ASAP2: variants seen among roughly 807,000 people sequenced by gnomAD.
ASAP2 encodes the protein arf-GAP with SH3 domain, ANK repeat and PH domain-containing protein 2.
ASAP2 carries 45 observed loss-of-function variants against 131.4 expected under a neutral mutation model. The observed-to-expected ratio is 0.34, with a 90% CI of 0.27 to 0.44. ASAP2 has a LOEUF of 0.44. Among genes scored for constraint, ASAP2 ranks in the 20% least tolerant of loss-of-function variants. The pLI is 1.00. For missense variants in ASAP2, 1,011 were observed against 1,297.0 expected, an observed-to-expected ratio of 0.78 and a Z score of 3.39; for synonymous variants, 510 against 503.0, an observed-to-expected ratio of 1.01 and a Z score of -0.19.
chr2:9,375,175 A>T (rs748505004), intron 17 of ASAP2, among the ~76,000 whole-genome samples: 2 of 151,624 alleles, frequency 1.3e-5, no homozygotes, highest in African/African-American at 4.9e-5. Context: ...CCAGCTACTC[A>T]GGAGGCTGGG....
At chr2:9,290,651 A>G (rs895137725) in intron 2 of ASAP2, among the ~76,000 whole-genome samples, 5 of 152,240 alleles carry the variant, frequency 3.3e-5, no homozygotes, top group Non-Finnish European at 4.4e-5. Flanking sequence ...GAAAATTTGG[A>G]AAGTTCAGAA....
intron 20 of ASAP2, among the ~76,000 whole-genome samples, chr2:9,384,600 C>T (rs905047848): frequency 1.2e-4 from 18 of 152,342 alleles, no homozygotes; most frequent in Admixed American, 1.0e-3. Context: ...TGGAGTGGCT[C>T]ATAGAACTCA....
chr2:9,294,378 G>A (rs13397012), intron 2 of ASAP2, among the ~76,000 whole-genome samples: 13,222 of 152,132 alleles, frequency 0.087, 585 homozygotes, highest in African/African-American at 0.11. Context: ...ATGATAAGGA[G>A]TGCTTTTGTA....
chr2:9,256,578 A>C (rs1451741770), intron 1 of ASAP2, among the ~76,000 whole-genome samples: 1 of 152,198 alleles, frequency 6.6e-6, no homozygotes, highest in Admixed American at 6.5e-5. Context: ...TTTTGTTTTT[A>C]AAAAAGAATG....
chr2:9,239,999 C>A (rs1158294499), intron 1 of ASAP2, among the ~76,000 whole-genome samples: 4 of 152,108 alleles, frequency 2.6e-5, no homozygotes. Context: ...TTTTCCCTGT[C>A]CTGCTACTTT....
chr2:9,294,542 T>C (rs1197900630), intron 2 of ASAP2, among the ~76,000 whole-genome samples: 1 of 152,222 alleles, frequency 6.6e-6, no homozygotes, highest in African/African-American at 2.4e-5. Context: ...GCAGGTGACA[T>C]GACTCTCTGA....
At chr2:9,349,510 A>G (rs1476378637) in intron 11 of ASAP2, among the ~76,000 whole-genome samples, 3 of 152,246 alleles carry the variant, frequency 2.0e-5, no homozygotes, top group African/African-American at 7.2e-5. Context: ...CTTTCACTTG[A>G]AAGTGTCCAG....
chr2:9,307,555 C>G (rs1422551707), intron 3 of ASAP2, among the ~76,000 whole-genome samples: 1 of 152,202 alleles, frequency 6.6e-6, no homozygotes, highest in Admixed American at 6.5e-5. Context: ...CCAGAACCGG[C>G]CTTCAGCTGG....
chr2:9,283,368 A>G (rs1667256579), intron 2 of ASAP2, among the ~76,000 whole-genome samples: 1 of 152,166 alleles, frequency 6.6e-6, no homozygotes, highest in South Asian at 2.1e-4. Flanking sequence ...GTTGTAACAA[A>G]TTACCATAAA....
intron 1 of ASAP2, among the ~76,000 whole-genome samples, chr2:9,270,912 C>T (rs1351128008): frequency 2.0e-5 from 3 of 150,902 alleles, no homozygotes; most frequent in African/African-American, 4.9e-5. Flanking sequence ...CCTGCCTCAG[C>T]CTCCCGAGTA....
intron 1 of ASAP2, among the ~76,000 whole-genome samples, chr2:9,254,254 T>TATATATATATATATATACAC (rs1553297027): frequency 2.6e-4 from 17 of 65,740 alleles, no homozygotes; most frequent in African/African-American, 9.6e-4. Flanking sequence ...TATATATATA[T>TATATATATATATATATACAC]ACACGTGTGT....
At chr2:9,402,090 A>G (rs6748624) in intron 27 of ASAP2, among the ~76,000 whole-genome samples, 28,436 of 152,206 alleles carry the variant, frequency 0.19, 4,250 homozygotes, top group African/African-American at 0.42. Context: ...CAGCTCCGCA[A>G]CTGAGCTCAG....
chr2:9,336,930 C>G (rs966744341), intron 9 of ASAP2, among the ~76,000 whole-genome samples: 2 of 152,220 alleles, frequency 1.3e-5, no homozygotes, highest in Non-Finnish European at 2.9e-5. Flanking sequence ...TAAGGCAGAG[C>G]AGCTGCTGGG....
intron 1 of ASAP2, among the ~76,000 whole-genome samples, chr2:9,267,492 T>C (rs1371456871): frequency 6.6e-6 from 1 of 152,232 alleles, no homozygotes. Context: ...TTTTTATGGC[T>C]GCGTCATATT....
chr2:9,271,086 C>T (rs1032031868), intron 1 of ASAP2, among the ~76,000 whole-genome samples: 1 of 147,326 alleles, frequency 6.8e-6, no homozygotes, highest in African/African-American at 2.5e-5. Flanking sequence ...AGCCACCGCG[C>T]CCGGCCCTGT....
intron 20 of ASAP2, among the ~76,000 whole-genome samples, chr2:9,382,630 C>G (rs1674950201): frequency 6.6e-6 from 1 of 152,208 alleles, no homozygotes; most frequent in Non-Finnish European, 1.5e-5. Flanking sequence ...GTTGAGCTTT[C>G]TCCCATATGG....
Position 9,207,200 on chromosome 2 carries a change from G to A in ASAP2, c.96G>A (p.Gln32=). ...CCAGCTTCACCACCCGCACGGCGCA[G>A]TGCCGGAACACTGTGGCGGCCATCG... The part of the protein sequence containing the change: ...TASSFTTRTA[Q]CRNTVAAIEE... Residue 32 remains glutamine (Q), a synonymous_variant, in exon 1 of 28, where the codon CAG becomes CAA. Transcript: ENST00000281419. This position sits in a 1 kb window ranked among gnomAD's most constrained non-coding sequence, Gnocchi z 4.1. 1 of 1,601,464 alleles carries A rather than the reference G, an allele frequency of 6.2e-7. No individual in the cohort carries two copies. Among genetic ancestry groups the A allele is most frequent in the Non-Finnish European group, 8.5e-7 (1 of 1,175,064 alleles).
At chr2:9,365,011 T>G (rs1304793754) in intron 15 of ASAP2, among the ~76,000 whole-genome samples, 1 of 152,186 alleles carries the variant, frequency 6.6e-6, no homozygotes, top group Non-Finnish European at 1.5e-5. Flanking sequence ...ATTCTGAACA[T>G]TTTTTAAACC....
chr2:9,381,506 A>G (rs1350734517), intron 20 of ASAP2, among the ~76,000 whole-genome samples: 2 of 152,234 alleles, frequency 1.3e-5, no homozygotes, highest in East Asian at 3.9e-4. Flanking sequence ...AGGCTAAGGC[A>G]GGGGATGATG....
Sources: allele counts gnomAD v4.1 joint callset (sites outside exome capture counted in the v4.1 genomes callset), GRCh38; gene constraint gnomAD v4.1.1; non-coding constraint Gnocchi (gnomAD v3.1); transcripts MANE v1.5; gene names NCBI Gene and HGNC (gene_info 2026-07-23, HGNC 2026-07-21).